The following ADGRV1 variants were observed in gnomAD, a reference collection of about 807,000 sequenced individuals.
ADGRV1 encodes G-protein coupled receptor 98.
A neutral mutation model predicts 596.2 loss-of-function variants in ADGRV1; 359 were observed. The ratio of observed to expected loss-of-function variants is 0.60; its 90% confidence interval spans 0.55 to 0.66. ADGRV1 has a LOEUF of 0.66. Among genes scored for constraint, ADGRV1 ranks in the 30% least tolerant of loss-of-function variants. ADGRV1 has a pLI of 0.00. For missense variants in ADGRV1, 7,274 were observed against 7,575.6 expected (o/e 0.96, Z 1.48); for synonymous variants, 2,681 against 2,679.2 (o/e 1.00, Z -0.02).
chr5:90,620,512 A>G (rs1427813733), intron 4 of ADGRV1, among the ~76,000 whole-genome samples: 1 of 152,024 alleles, frequency 6.6e-6, no homozygotes, highest in African/African-American at 2.4e-5. Context: ...TTGTCAGATG[A>G]GTAGATTGCA....
intron 68 of ADGRV1, 113 bp downstream of exon 68, chr5:90,788,423 C>A (rs964204251): frequency 1.0e-6 from 1 of 1,003,250 alleles, no homozygotes; most frequent in Non-Finnish European, 1.4e-6. Context: ...ATTATAAAAC[C>A]AAATAATATC....
chr5:90,585,596 A>T (rs1443965006), intron 1 of ADGRV1, among the ~76,000 whole-genome samples: 2 of 152,152 alleles, frequency 1.3e-5, no homozygotes, highest in East Asian at 1.9e-4. Flanking sequence ...TTTTAAAGGG[A>T]TCCTGCCCAG....
At chr5:91,063,423 C>T (rs1398986810) in intron 85 of ADGRV1, among the ~76,000 whole-genome samples, 1 of 152,106 alleles carries the variant, frequency 6.6e-6, no homozygotes, top group Non-Finnish European at 1.5e-5. Context: ...AGACATAATT[C>T]TATTCATAGC....
At chr5:90,807,572 C>G in intron 72 of ADGRV1, 30 bp from the exon 73 acceptor site, 4 of 1,590,684 alleles carry the variant, frequency 2.5e-6, no homozygotes, top group Non-Finnish European at 3.4e-6. Context: ...GAAATAATAC[C>G]CTACTTTGCT....
At chr5:90,603,893 TGCACACACGTGTGTGCAG>T (rs1761742950) in intron 1 of ADGRV1, among the ~76,000 whole-genome samples, 1 of 115,702 alleles carries the variant, frequency 8.6e-6, no homozygotes, top group East Asian at 3.1e-4. Flanking sequence ...TGTACGTGCC[TGCACACACGTGTGTGCAG>T]GCACGTACAC....
At chr5:91,012,178 T>C (rs1375882423) in intron 85 of ADGRV1, among the ~76,000 whole-genome samples, 1 of 151,990 alleles carries the variant, frequency 6.6e-6, no homozygotes, top group East Asian at 1.9e-4. Context: ...GCTGGTTTCC[T>C]ACTTACTTCT....
chr5:90,917,301 G>A (rs554853944), intron 83 of ADGRV1, among the ~76,000 whole-genome samples: 15 of 150,962 alleles, frequency 9.9e-5, no homozygotes, highest in Non-Finnish European at 2.1e-4. Flanking sequence ...GGAGCCATTG[G>A]TAGTTCCCTG....
intron 21 of ADGRV1, among the ~76,000 whole-genome samples, chr5:90,662,668 A>G (rs1167528009): frequency 6.6e-6 from 1 of 150,562 alleles, no homozygotes. Flanking sequence ...TGTGCAGGTT[A>G]GTTACATATG....
intron 29 of ADGRV1, among the ~76,000 whole-genome samples, chr5:90,688,841 A>G (rs917325683): frequency 2.0e-5 from 3 of 152,226 alleles, no homozygotes; most frequent in Non-Finnish European, 4.4e-5. Context: ...ATGGGCAGCT[A>G]CATGCTTTCA....
chr5:90,562,644 T>C (rs1755005953), intron 1 of ADGRV1, among the ~76,000 whole-genome samples: 1 of 152,188 alleles, frequency 6.6e-6, no homozygotes, highest in Non-Finnish European at 1.5e-5. Context: ...CAGGGCAAGA[T>C]GCTGATAGGG....
chr5:90,718,042 A>G (rs1032371808), intron 43 of ADGRV1: 1 of 152,230 alleles, frequency 6.6e-6, no homozygotes, highest in African/African-American at 2.4e-5. Context: ...TTTCAGTGGC[A>G]TTAATTATAT....
At chr5:91,149,889 G>C in intron 87 of ADGRV1, 141 bp from the exon 88 acceptor site, 1 of 509,272 alleles carries the variant, frequency 2.0e-6, no homozygotes, top group East Asian at 3.5e-5. Flanking sequence ...AAATTACCCA[G>C]TCTTGGGTAT....
intron 86 of ADGRV1, among the ~76,000 whole-genome samples, chr5:91,099,627 G>A (rs1026494493): frequency 7.2e-5 from 11 of 152,108 alleles, no homozygotes; most frequent in South Asian, 2.1e-4. Context: ...AAGCAATAGC[G>A]GGGTGCGGTG....
At chr5:91,143,633 T>C (rs773364233) in intron 87 of ADGRV1, among the ~76,000 whole-genome samples, 18 of 152,110 alleles carry the variant, frequency 1.2e-4, no homozygotes, top group Admixed American at 1.3e-4. Flanking sequence ...TGCATGCTGA[T>C]TGGTTCATGG....
chr5:90,912,673 G>A (rs1194066771), intron 83 of ADGRV1, among the ~76,000 whole-genome samples: 3 of 152,048 alleles, frequency 2.0e-5, no homozygotes, highest in Admixed American at 6.6e-5. Flanking sequence ...GGGGTTATTT[G>A]GTTTTCTGTT....
In ADGRV1 at chr5:90,676,237, A is replaced by C. The variant is rs767047148; in HGVS notation, c.5443+28A>C. On this transcript the variant is annotated intron_variant, in intron 25 of 89. Coordinates refer to ENST00000405460, the MANE Select transcript of ADGRV1 (RefSeq NM_032119.4). ...AAGGCTGGTGATTCAAAAATGTTAA[A>C]TATTTGCTTGTCTACCCATGCTGAT... The C allele has an allele frequency of 4.0e-5, 64 of 1,589,408 alleles. No individual in the cohort carries two copies. In the South Asian group the frequency reaches 7.5e-4, roughly 19 times the overall value.
intron 85 of ADGRV1, among the ~76,000 whole-genome samples, chr5:91,003,162 T>G (rs1294966068): frequency 6.6e-6 from 1 of 152,160 alleles, no homozygotes; most frequent in African/African-American, 2.4e-5. Context: ...GTTGAAGGGA[T>G]GGACTGCTAG....
intron 50 of ADGRV1, among the ~76,000 whole-genome samples, chr5:90,730,523 T>C (rs1752421388): frequency 1.3e-5 from 2 of 152,188 alleles, no homozygotes; most frequent in East Asian, 3.8e-4. Context: ...TCCTCCACAG[T>C]CTGAAATCCT....
rs999170934 is a variant in ADGRV1 at position 90,933,681 on chromosome 5, A to G, written c.17857-31734A>G. 2.6e-5 allele frequency among the ~76,000 whole-genome samples: 4 copies of G among 152,260 alleles called. No homozygotes were observed. In the East Asian group the frequency reaches 7.7e-4, roughly 29 times the overall value. On this transcript the variant is annotated intron_variant, in intron 83 of 89. Coordinates refer to ENST00000405460, the MANE Select transcript of ADGRV1 (RefSeq NM_032119.4). Reference sequence around the variant, plus strand: ...GATTTGGTATTCAAAAACCCTCACTATTAGGCCTCTACTTGGTTCTCCCGG... The same window carrying G: ...GATTTGGTATTCAAAAACCCTCACTGTTAGGCCTCTACTTGGTTCTCCCGG...
Sources: allele counts gnomAD v4.1 joint callset (sites outside exome capture counted in the v4.1 genomes callset), GRCh38; gene constraint gnomAD v4.1.1; transcripts MANE v1.5; gene names NCBI Gene and HGNC (gene_info 2026-07-23, HGNC 2026-07-21).